Variants in MRE11 observed in about 807,000 individuals in gnomAD.
MRE11 encodes double-strand break repair protein MRE11.
MRE11 carries 62 observed loss-of-function variants against 91.7 expected under a neutral mutation model. That is an observed-to-expected ratio of 0.68 (90% CI 0.55 to 0.84). The LOEUF is 0.84. MRE11 is among the 40% of genes least tolerant of loss of function. The pLI is 0.00. For missense variants in MRE11, 796 were observed against 852.9 expected (o/e 0.93, Z 0.83); for synonymous variants, 273 against 271.4 (o/e 1.01, Z -0.06).
intron 16 of MRE11, among the ~76,000 whole-genome samples, chr11:94,438,641 A>T (rs905386204): frequency 2.0e-5 from 3 of 152,224 alleles, no homozygotes; most frequent in African/African-American, 7.2e-5. Flanking sequence ...AAGGCAAAAG[A>T]TGAGTGATGT....
intron 18 of MRE11, among the ~76,000 whole-genome samples, 196 bp downstream of exon 18, chr11:94,435,636 C>T (rs1945585352): frequency 6.6e-6 from 1 of 152,180 alleles, no homozygotes; most frequent in Admixed American, 6.5e-5. Flanking sequence ...TTTCAATTTT[C>T]ACTGAAAATC....
At position 94,470,320 on chromosome 11, in the gene MRE11, T is replaced by C. The variant is rs577895511; in HGVS notation, c.1017+151A>G. On this transcript the variant is annotated intron_variant, in intron 9 of 19. Transcript: ENST00000323929. ...TAAAAAAAAAAATCTTGGACACAAT[T>C]AAACACATTCACTGAAGAACAGTGT... 5.9e-5 allele frequency: 46 copies of C among 776,198 alleles called. No individual in the cohort carries two copies. In the South Asian group the frequency reaches 8.2e-4, roughly 14 times the overall value. The allele number at this position is 776,198 out of a possible 1,614,324, so 48.1% of individuals were successfully genotyped here.
chr11:94,478,169 T>C (rs959093465), intron 6 of MRE11, among the ~76,000 whole-genome samples: 2 of 152,162 alleles, frequency 1.3e-5, no homozygotes, highest in Non-Finnish European at 2.9e-5. Context: ...TGAGGCATAA[T>C]GGAATCTGTC....
At chr11:94,459,641 G>T in intron 12 of MRE11, 60 bp from the exon 13 acceptor site, 1 of 1,536,306 alleles carries the variant, frequency 6.5e-7, no homozygotes, top group Non-Finnish European at 9.0e-7. Context: ...AATAATTATA[G>T]ATGAGCAAGG....
In MRE11 at chr11:94,451,110, C is replaced by A. The variant is rs375809790; in HGVS notation, c.1564-3672G>T. Among the ~76,000 whole-genome samples, 46 of 151,570 alleles carry A rather than the reference C, an allele frequency of 3.0e-4. 1 individual carries two copies. In the South Asian group the frequency reaches 8.5e-3, roughly 28 times the overall value. Reference sequence around the variant, plus strand: ...GACCAGCCTGGGCAACATAACGAGACTCCGTCTATATAAAAAAAAAAATTA... The same window carrying A: ...GACCAGCCTGGGCAACATAACGAGAATCCGTCTATATAAAAAAAAAAATTA... On this transcript the variant is annotated intron_variant, in intron 14 of 19. Transcript: ENST00000323929.
intron 17 of MRE11, among the ~76,000 whole-genome samples, chr11:94,436,768 T>G (rs1177453626): frequency 6.6e-6 from 1 of 152,218 alleles, no homozygotes; most frequent in Admixed American, 6.5e-5. Flanking sequence ...CTCCAGCCTT[T>G]TCATTCATCT....
intron 10 of MRE11, chr11:94,466,464 T>C: frequency 1.9e-6 from 1 of 530,692 alleles, no homozygotes; most frequent in Non-Finnish European, 3.9e-6. Context: ...ACAGACACTA[T>C]TTAATCCATT....
Position 94,419,142 on chromosome 11 carries a change from C to T in MRE11, c.*983G>A, listed in dbSNP as rs569673310. The T allele has an allele frequency of 5.2e-5, 12 of 232,140 alleles. No homozygotes were observed. The highest frequency in any genetic ancestry group is 2.4e-4 in the East Asian group (4 of 16,398). The allele number at this position is 232,140 out of a possible 1,614,324, so 14.4% of individuals were successfully genotyped here. A position where few individuals can be genotyped will look rare whatever the true frequency, so the allele number is the denominator to read the frequency against. On this transcript the variant is annotated 3_prime_UTR_variant, in exon 20 of 20. Transcript: ENST00000323929. Reference sequence around the variant, plus strand: ...AAGATGTCTAATTCTTATTTCTCCCCGAAAACAAGTAAAAAATAGAAGCTT... The same window carrying T: ...AAGATGTCTAATTCTTATTTCTCCCTGAAAACAAGTAAAAAATAGAAGCTT...
rs927515737 is a variant in MRE11 at position 94,419,581 on chromosome 11, T to TA, written c.*543dup. The TA allele has an allele frequency of 2.1e-5, 5 of 232,748 alleles. No homozygotes were observed. The highest frequency in any genetic ancestry group is 4.2e-5 in the Non-Finnish European group (5 of 118,066). 14.4% of individuals were successfully genotyped at this position (232,748 alleles called of 1,614,324 possible). A position where few individuals can be genotyped will look rare whatever the true frequency, so the allele number is the denominator to read the frequency against. ...TTTGAAATCTTTGCTACAACTGGAA[T>TA]AAAAAACTCAGTAATTCTGAAAGGT... On this transcript the variant is annotated 3_prime_UTR_variant, in exon 20 of 20. Coordinates refer to ENST00000323929, the MANE Select transcript of MRE11 (RefSeq NM_005591.4).
the MRE11 span, among the ~76,000 whole-genome samples, chr11:94,503,098 T>G: frequency 1.3e-5 from 2 of 151,482 alleles, no homozygotes; most frequent in Non-Finnish European, 2.9e-5. Flanking sequence ...TTCATAGTAT[T>G]TTTTTTATCT....
intron 14 of MRE11, 76 bp downstream of exon 14, chr11:94,456,200 T>G (rs1296621399): frequency 7.1e-7 from 1 of 1,403,864 alleles, no homozygotes; most frequent in Non-Finnish European, 1.0e-6. Flanking sequence ...GGACTGACTA[T>G]TCTAACTAAA....
chr11:94,442,728 A>G (rs1450923771), intron 16 of MRE11, among the ~76,000 whole-genome samples: 1 of 152,220 alleles, frequency 6.6e-6, no homozygotes, highest in Non-Finnish European at 1.5e-5. Context: ...ACCCAATACA[A>G]TAGAGATTAT....
At chr11:94,511,348 C>T in the MRE11 span, among the ~76,000 whole-genome samples, 16 of 152,190 alleles carry the variant, frequency 1.1e-4, no homozygotes, top group Non-Finnish European at 2.1e-4. Flanking sequence ...CAGCATCATG[C>T]TTCCTGTAAA....
At chr11:94,470,212 A>G (rs1946669284) in intron 9 of MRE11, among the ~76,000 whole-genome samples, 1 of 152,062 alleles carries the variant, frequency 6.6e-6, no homozygotes, top group East Asian at 1.9e-4. Flanking sequence ...AAGATTATGT[A>G]TTATGTTTTT....
chr11:94,419,005 T>C lies in MRE11; in HGVS notation c.*1120A>G, dbSNP rs1945094500. On this transcript the variant is annotated 3_prime_UTR_variant, in exon 20 of 20. Transcript: ENST00000323929. ...ATGTCGGGCCATTGTACTCCCAAGA[T>C]GTATAACTTGAATTTTAAAGTAAAG... 8.6e-6 allele frequency: 2 copies of C among 231,546 alleles called. No individual in the cohort carries two copies. The highest frequency in any genetic ancestry group is 8.5e-6 in the Non-Finnish European group (1 of 117,032). 14.3% of individuals were successfully genotyped at this position (231,546 alleles called of 1,614,324 possible).
At chr11:94,503,318 T>C in the MRE11 span, among the ~76,000 whole-genome samples, 2 of 152,160 alleles carry the variant, frequency 1.3e-5, no homozygotes, top group Non-Finnish European at 2.9e-5. Flanking sequence ...AGAGAACTCA[T>C]GCAATAAGGA....
At chr11:94,464,595 A>G (rs535848161) in intron 10 of MRE11, among the ~76,000 whole-genome samples, 18 of 152,316 alleles carry the variant, frequency 1.2e-4, no homozygotes, top group African/African-American at 4.1e-4. Flanking sequence ...ACAAACAAAC[A>G]CACACCAAAA....
At chr11:94,427,081 A>C (rs557555024) in intron 19 of MRE11, among the ~76,000 whole-genome samples, 1 of 152,338 alleles carries the variant, frequency 6.6e-6, no homozygotes, top group African/African-American at 2.4e-5. Flanking sequence ...AATCTGGCAG[A>C]GACACAACAA....
At chr11:94,506,354 T>C in the MRE11 span, among the ~76,000 whole-genome samples, 3 of 152,030 alleles carry the variant, frequency 2.0e-5, no homozygotes, top group African/African-American at 4.8e-5. Flanking sequence ...CCACAGTGCA[T>C]ACCTAAAACA....
Sources: gnomAD v4.1 joint callset for allele counts (sites outside exome capture counted in the v4.1 genomes callset) on GRCh38, gnomAD v4.1.1 for gene constraint, MANE v1.5 for transcripts, NCBI Gene and HGNC (gene_info 2026-07-23, HGNC 2026-07-21) for gene names.